The following AVPR1B variants were observed in gnomAD, a reference collection of about 807,000 sequenced individuals.
AVPR1B encodes vasopressin V1b receptor.
In AVPR1B, 25 loss-of-function variants were observed where a neutral mutation model predicts 27.5. That is an observed-to-expected ratio of 0.91 (90% CI 0.66 to 1.27). AVPR1B has a LOEUF of 1.27. AVPR1B is among the 50% of genes most tolerant of loss of function. The pLI, the probability that AVPR1B is intolerant of heterozygous loss-of-function variation, is 0.00. For missense variants in AVPR1B, 595 were observed against 556.9 expected (o/e 1.07, Z -0.69); for synonymous variants, 248 against 240.2 (o/e 1.03, Z -0.30).
Position 206,109,247 on chromosome 1 carries a change from G to A in AVPR1B, c.*942C>T, listed in dbSNP as rs782274579. ...TGGTTCATGGTGGAAGCTCTGAAGA[G>A]CCTGGAGGGTGTCCAGAGCCATGAT... On this transcript the variant is annotated 3_prime_UTR_variant, in exon 2 of 2. Coordinates refer to ENST00000367126, the MANE Select transcript of AVPR1B (RefSeq NM_000707.5). Among the ~76,000 whole-genome samples, 7 of 152,148 alleles carry A rather than the reference G, an allele frequency of 4.6e-5. No homozygotes were observed. The highest frequency in any genetic ancestry group is 7.4e-5 in the Non-Finnish European group (5 of 68,022).
In AVPR1B at chr1:206,116,396, G is replaced by A; in HGVS notation, c.495C>T (p.Ser165=). Residue 165 remains serine, a synonymous_variant, in exon 1 of 2, where the codon AGC becomes AGT. Coordinates refer to ENST00000367126, the MANE Select transcript of AVPR1B (RefSeq NM_000707.5). ...AAPWLLAAIF[S]LPQVFIFSLR... Reference sequence around the variant, plus strand: ...GGGAAAAAATGAAGACTTGAGGGAGGCTGAAGATGGCGGCCAGCAGCCAGG... The same window carrying A: ...GGGAAAAAATGAAGACTTGAGGGAGACTGAAGATGGCGGCCAGCAGCCAGG... The A allele has an allele frequency of 2.5e-6, 4 of 1,613,980 alleles. No individual in the cohort carries two copies. Among genetic ancestry groups the A allele is most frequent in the Non-Finnish European group, 3.4e-6 (4 of 1,180,046 alleles).
Position 206,115,993 on chromosome 1 carries a change from C to T in AVPR1B, c.898G>A (p.Val300Ile). The change falls in exon 1 of 2, where the codon GTC becomes ATC. Residue 300 changes from valine to isoleucine, a missense_variant. Coordinates refer to ENST00000367126, the MANE Select transcript of AVPR1B (RefSeq NM_000707.5). The part of the protein sequence containing the change: ...YIACWAPFFS[V>I]QMWSVWDKNA... The stretch of plus-strand genomic sequence containing the variant: ...TTGTCCCACACGGACCACATCTGGA[C>T]ACTGAAGAAGGGAGCCCAGCAAGCG... The T allele has an allele frequency of 6.2e-7, 1 of 1,613,576 alleles. No homozygotes were observed. The highest frequency in any genetic ancestry group is 8.5e-7 in the Non-Finnish European group (1 of 1,179,670).
At position 206,108,311 on chromosome 1, in the gene AVPR1B, C is replaced by A. The variant is rs1448186151; in HGVS notation, c.*1878G>T. On this transcript the variant is annotated 3_prime_UTR_variant, in exon 2 of 2. Transcript: ENST00000367126. Reference sequence around the variant, plus strand: ...CTGTGGGTCCTCCCATCTGCCTGAGCCTTGGTCCCATTAGGGTCTCACTCT... The same window carrying A: ...CTGTGGGTCCTCCCATCTGCCTGAGACTTGGTCCCATTAGGGTCTCACTCT... Among the ~76,000 whole-genome samples the A allele has an allele frequency of 6.6e-6, 1 of 152,204 alleles. No homozygotes were observed. Among genetic ancestry groups the A allele is most frequent in the Non-Finnish European group, 1.5e-5 (1 of 68,036 alleles).
At chr1:206,112,564 C>T (rs1406989986) in intron 1 of AVPR1B, among the ~76,000 whole-genome samples, 3 of 152,126 alleles carry the variant, frequency 2.0e-5, no homozygotes, top group African/African-American at 7.2e-5. Flanking sequence ...TCACTGCAGC[C>T]CTGACCTCCT....
In AVPR1B at chr1:206,109,731, T is replaced by C. The variant is rs1553289431; in HGVS notation, c.*458A>G. 1 of 162,188 alleles carries C rather than the reference T, an allele frequency of 6.2e-6. No individual in the cohort carries two copies. Among genetic ancestry groups the C allele is most frequent in the African/African-American group, 2.4e-5 (1 of 41,688 alleles). The allele number at this position is 162,188 out of a possible 1,614,324, so 10.0% of individuals were successfully genotyped here. A position where few individuals can be genotyped will look rare whatever the true frequency, so the allele number is the denominator to read the frequency against. On this transcript the variant is annotated 3_prime_UTR_variant, in exon 2 of 2. Coordinates refer to ENST00000367126, the MANE Select transcript of AVPR1B (RefSeq NM_000707.5). ...AACAACAACAACAACAAATCCAGGA[T>C]CCAAATAGAGTCCTCCTCACGGTTT...
At chr1:206,113,810 T>C (rs1054632281) in intron 1 of AVPR1B, among the ~76,000 whole-genome samples, 1 of 152,176 alleles carries the variant, frequency 6.6e-6, no homozygotes, top group African/African-American at 2.4e-5. Flanking sequence ...GGACCAGTTA[T>C]TTTGCCTCTA....
Position 206,116,468 on chromosome 1 carries a change from G to T in AVPR1B, c.423C>A (p.Arg141=). Residue 141 remains arginine (R), a synonymous_variant, in exon 1 of 2, where the codon CGC becomes CGA. Coordinates refer to ENST00000367126, the MANE Select transcript of AVPR1B (RefSeq NM_000707.5). ...DRYLAVCHPL[R]SLQQPGQSTY... ...TGGACTGGCCTGGCTGCTGGAGGCTGCGCAGGGGGTGACAGACAGCCAGGT... is the reference window on the plus strand; with the variant it reads ...TGGACTGGCCTGGCTGCTGGAGGCTTCGCAGGGGGTGACAGACAGCCAGGT... 6.2e-7 allele frequency: 1 copy of T among 1,613,932 alleles called. No individual in the cohort carries two copies. Among genetic ancestry groups the T allele is most frequent in the Non-Finnish European group, 8.5e-7 (1 of 1,180,000 alleles).
chr1:206,107,849 CT>C lies in AVPR1B; in HGVS notation c.*2339del, dbSNP rs1212326923. 6.6e-6 allele frequency among the ~76,000 whole-genome samples: 1 copy of C among 152,236 alleles called. No individual in the cohort carries two copies. Among genetic ancestry groups the C allele is most frequent in the Non-Finnish European group, 1.5e-5 (1 of 68,048 alleles). On this transcript the variant is annotated 3_prime_UTR_variant, in exon 2 of 2. Transcript: ENST00000367126. ...AGGCCATTGTTCCCCTCTCTAACATCTGTTGAGTGCTCTATCTCTAGTCTAC... is the reference window on the plus strand; with the variant it reads ...AGGCCATTGTTCCCCTCTCTAACATCGTTGAGTGCTCTATCTCTAGTCTAC...
At position 206,116,759 on chromosome 1, in the gene AVPR1B, G is replaced by A. The variant is rs535205715; in HGVS notation, c.132C>T (p.Val44=). 4 of 1,612,974 alleles carry A rather than the reference G, an allele frequency of 2.5e-6. No homozygotes were observed. In the South Asian group the frequency reaches 3.3e-5, roughly 13 times the overall value. The change falls in exon 1 of 2, where the codon GTC becomes GTT. Residue 44 remains valine (V), a synonymous_variant. Coordinates refer to ENST00000367126, the MANE Select transcript of AVPR1B (RefSeq NM_000707.5). ...GGTTGCCCCCGGTCGCCAGCACCAG[G>A]ACAGTGGCCAGGACTCCGATCTCCA... ...AKVEIGVLAT[V]LVLATGGNLA...
rs782332675 is a variant in AVPR1B at position 206,110,371 on chromosome 1, G to A, written c.1093C>T (p.Arg365Trp). ...GAGAGGCTGCCGTCGGAGAGCCGCC[G>A]GCGCATCCTGGGCTGGGGACCCCCA... Reference protein sequence around the residue: ...CCGGPQPRMRRRLSDGSLSSR... With the variant: ...CCGGPQPRMRWRLSDGSLSSR... Residue 365 changes from arginine to tryptophan, a missense_variant, in exon 2 of 2, where the codon CGG becomes TGG. By Grantham distance (101) the Arg-to-Trp change is moderately radical. Transcript: ENST00000367126. 124 of 1,610,386 alleles carry A rather than the reference G, an allele frequency of 7.7e-5. No homozygotes were observed. The East Asian group carries it at 2.3e-3, about 30-fold the overall frequency.
At chr1:206,115,155 C>T (rs563145478) in intron 1 of AVPR1B, among the ~76,000 whole-genome samples, 79 of 152,204 alleles carry the variant, frequency 5.2e-4, no homozygotes, top group Non-Finnish European at 8.7e-4. Context: ...CGTGCAAGTG[C>T]ACAAGGGCCA....
rs34690217 is a variant in AVPR1B at position 206,115,926 on chromosome 1, C to A, written c.940+25G>T. On this transcript the variant is annotated intron_variant, in intron 1 of 1. Transcript: ENST00000367126. ...CTCTCTTTCTGTCTCTCCCACCTCA[C>A]TGCCCCCACATAGACCCCACTTGCC... is the stretch of plus-strand genomic sequence containing the variant. 94 of 1,563,608 alleles carry A rather than the reference C, an allele frequency of 6.0e-5. No individual in the cohort carries two copies. The East Asian group carries it at 1.9e-3, about 31-fold the overall frequency.
At position 206,116,262 on chromosome 1, in the gene AVPR1B, A is replaced by T. The variant is rs1292409685; in HGVS notation, c.629T>A (p.Leu210Gln). ...LTWTTLAIFV[L>Q]PVTMLTACYS... Reference sequence around the variant, plus strand: ...GCAGGCCGTGAGCATGGTCACCGGCAGAACGAAGATAGCCAGGGTGGTCCA... The same window carrying T: ...GCAGGCCGTGAGCATGGTCACCGGCTGAACGAAGATAGCCAGGGTGGTCCA... The change falls in exon 1 of 2, where the codon CTG (leucine) becomes CAG (glutamine). Residue 210 changes from leucine to glutamine, a missense_variant. Physicochemically the swap from Leu to Gln is moderately radical, Grantham distance 113. Transcript: ENST00000367126. 3.7e-6 allele frequency: 6 copies of T among 1,613,490 alleles called. No individual in the cohort carries two copies. The highest frequency in any genetic ancestry group is 5.1e-6 in the Non-Finnish European group (6 of 1,180,026).
intron 1 of AVPR1B, among the ~76,000 whole-genome samples, chr1:206,115,642 A>T (rs1013103185): frequency 1.3e-5 from 2 of 152,248 alleles, no homozygotes; most frequent in Non-Finnish European, 2.9e-5. Flanking sequence ...AAGCCCATCT[A>T]GCAAACTAGT....
Position 206,116,006 on chromosome 1 carries a change from A to C in AVPR1B, c.885T>G (p.Ala295=). The change falls in exon 1 of 2, where the codon GCT becomes GCG. Residue 295 remains alanine (A), a synonymous_variant. Coordinates refer to ENST00000367126, the MANE Select transcript of AVPR1B (RefSeq NM_000707.5). ...ACCACATCTGGACACTGAAGAAGGG[A>C]GCCCAGCAAGCGATGTAGGCCAGCA... The part of the protein sequence containing the change: ...VIVLAYIACW[A]PFFSVQMWSV... The C allele has an allele frequency of 6.2e-7, 1 of 1,614,040 alleles. No homozygotes were observed. The highest frequency in any genetic ancestry group is 1.1e-5 in the South Asian group (1 of 91,076).
chr1:206,112,128 G>T (rs1663392138), intron 1 of AVPR1B, among the ~76,000 whole-genome samples: 1 of 152,130 alleles, frequency 6.6e-6, no homozygotes, highest in Non-Finnish European at 1.5e-5. Context: ...CCGAGAGGCA[G>T]AGATTGCAGT....
Position 206,116,945 on chromosome 1 carries a change from A to C in AVPR1B, c.-55T>G. 3 of 1,468,444 alleles carry C rather than the reference A, an allele frequency of 2.0e-6. No individual in the cohort carries two copies. The highest frequency in any genetic ancestry group is 1.9e-6 in the Non-Finnish European group (2 of 1,076,542). The allele number at this position is 1,468,444 out of a possible 1,614,324, so 91.0% of individuals were successfully genotyped here. ...AGGGAGGGTGTGGATGCAAGTGGAG[A>C]GGTTTGATGGATAAAATGGAGTGGC... is the stretch of plus-strand genomic sequence containing the variant. On this transcript the variant is annotated 5_prime_UTR_variant, in exon 1 of 2. Transcript: ENST00000367126.
chr1:206,116,387 T>C lies in AVPR1B; in HGVS notation c.504A>G (p.Gln168=), dbSNP rs140287061. Residue 168 remains glutamine, a synonymous_variant, in exon 1 of 2, where the codon CAA becomes CAG. Coordinates refer to ENST00000367126, the MANE Select transcript of AVPR1B (RefSeq NM_000707.5). ...CCTCCCGCAGGGAAAAAATGAAGAC[T>C]TGAGGGAGGCTGAAGATGGCGGCCA... The part of the protein sequence containing the change: ...WLLAAIFSLP[Q]VFIFSLREVI... 2.1e-4 allele frequency: 336 copies of C among 1,613,708 alleles called. No homozygotes were observed. The African/African-American group carries it at 4.0e-3, about 19-fold the overall frequency.
At position 206,116,855 on chromosome 1, in the gene AVPR1B, G is replaced by C; in HGVS notation, c.36C>G (p.Thr12=). The change falls in exon 1 of 2, where the codon ACC becomes ACG. Residue 12 remains threonine, a synonymous_variant. Transcript: ENST00000367126. ...DSGPLWDANP[T]PRGTLSAPNA... is the part of the protein sequence containing the mutation. Reference sequence around the variant, plus strand: ...TGGGGGCAGAGAGGGTGCCCCGAGGGGTGGGGTTGGCATCCCACAGAGGCC... The same window carrying C: ...TGGGGGCAGAGAGGGTGCCCCGAGGCGTGGGGTTGGCATCCCACAGAGGCC... 1.9e-6 allele frequency: 3 copies of C among 1,613,538 alleles called. No homozygotes were observed. Among genetic ancestry groups the C allele is most frequent in the Non-Finnish European group, 2.5e-6 (3 of 1,179,770 alleles).
Sources: gnomAD v4.1 joint callset for allele counts (sites outside exome capture counted in the v4.1 genomes callset) on GRCh38, gnomAD v4.1.1 for gene constraint, MANE v1.5 for transcripts, NCBI Gene and HGNC (gene_info 2026-07-23, HGNC 2026-07-21) for gene names.